The following SIPA1L3 variants were observed in gnomAD, a reference collection of about 807,000 sequenced individuals.
SIPA1L3 encodes signal induced proliferation associated 1 like 3, also known as signal-induced proliferation-associated 1-like protein 3.
In SIPA1L3, 59 loss-of-function variants were observed where a neutral mutation model predicts 150.1. The ratio of observed to expected loss-of-function variants is 0.39; its 90% CI spans 0.32 to 0.49. The LOEUF (loss-of-function observed/expected upper bound fraction) is 0.49. SIPA1L3 is among the 20% of genes least tolerant of loss of function. The pLI, the probability that SIPA1L3 is intolerant of heterozygous loss-of-function variation, is 0.86. For missense variants in SIPA1L3, 2,211 were observed against 2,489.5 expected, an observed-to-expected ratio of 0.89 and a Z score of 2.38; for synonymous variants, 1,070 against 1,077.6, an observed-to-expected ratio of 0.99 and a Z score of 0.14.
At chr19:37,912,697 A>G (rs1441933574) in intron 1 of SIPA1L3, among the ~76,000 whole-genome samples, 1 of 151,700 alleles carries the variant, frequency 6.6e-6, no homozygotes, top group Non-Finnish European at 1.5e-5. Context: ...GTCTCACACT[A>G]TGTTGCCTAG....
At chr19:38,043,901 T>C (rs886890648) in intron 2 of SIPA1L3, among the ~76,000 whole-genome samples, 17 of 152,208 alleles carry the variant, frequency 1.1e-4, no homozygotes, top group African/African-American at 4.1e-4. Flanking sequence ...GGACATGATC[T>C]GACCCATAGA....
At chr19:38,116,126 G>A (rs1032415260) in intron 8 of SIPA1L3, among the ~76,000 whole-genome samples, 2 of 152,104 alleles carry the variant, frequency 1.3e-5, no homozygotes, top group Admixed American at 6.6e-5. Flanking sequence ...TCTTGACACT[G>A]TACTGACAAA....
At chr19:37,941,210 G>A (rs997616408) in intron 1 of SIPA1L3, among the ~76,000 whole-genome samples, 1 of 152,014 alleles carries the variant, frequency 6.6e-6, no homozygotes, top group East Asian at 1.9e-4. Flanking sequence ...GCCCCTTTCT[G>A]TATTGGTGTT....
intron 2 of SIPA1L3, among the ~76,000 whole-genome samples, chr19:38,043,022 G>C (rs1968961514): frequency 6.6e-6 from 1 of 152,126 alleles, no homozygotes; most frequent in South Asian, 2.1e-4. Context: ...ATCATAATAT[G>C]GTTGTGGGCA....
At chr19:38,090,451 C>G (rs1191070051) in intron 4 of SIPA1L3, among the ~76,000 whole-genome samples, 1 of 152,156 alleles carries the variant, frequency 6.6e-6, no homozygotes, top group Admixed American at 6.5e-5. Context: ...GGAAACTGCC[C>G]GGTCTAGCAT....
intron 12 of SIPA1L3, 140 bp downstream of exon 12, chr19:38,142,850 C>G (rs1971623548): frequency 1.8e-6 from 2 of 1,091,552 alleles, no homozygotes; most frequent in Non-Finnish European, 2.6e-6. Context: ...CAGAGGAGCC[C>G]CATGGGGTGG....
At position 38,164,226 on chromosome 19, in the gene SIPA1L3, G is replaced by A. The variant is rs563135898; in HGVS notation, c.3781-253G>A. Among the ~76,000 whole-genome samples the A allele has an allele frequency of 7.9e-5, 12 of 152,266 alleles. 1 individual carries two copies. In the East Asian group the frequency reaches 2.3e-3, roughly 29 times the overall value. On this transcript the variant is annotated intron_variant, in intron 14 of 21. Transcript: ENST00000222345. This position sits in a 1 kb window ranked among gnomAD's most constrained non-coding sequence, Gnocchi z 4.1. ...GTCTGAGATGTGGGAAGCATGTTCTGTGCCTGATGTCATTTGTTCCTCTGA... is the reference window on the plus strand; with the variant it reads ...GTCTGAGATGTGGGAAGCATGTTCTATGCCTGATGTCATTTGTTCCTCTGA...
At chr19:37,944,207 G>A (rs1195000111) in intron 1 of SIPA1L3, among the ~76,000 whole-genome samples, 1 of 152,074 alleles carries the variant, frequency 6.6e-6, no homozygotes, top group African/African-American at 2.4e-5. Flanking sequence ...GAACCCAGGA[G>A]GTGGAGGTTG....
intron 2 of SIPA1L3, among the ~76,000 whole-genome samples, chr19:38,064,663 C>T (rs1969530252): frequency 6.6e-6 from 1 of 152,170 alleles, no homozygotes. Context: ...CGCGCCACTG[C>T]ACTCCAGCCT....
chr19:38,077,749 C>T (rs573596778), intron 2 of SIPA1L3, among the ~76,000 whole-genome samples: 108 of 132,850 alleles, frequency 8.1e-4, no homozygotes, highest in African/African-American at 3.0e-3. Context: ...CGGCTCACTG[C>T]ATCCTCCACC....
intron 9 of SIPA1L3, among the ~76,000 whole-genome samples, chr19:38,129,031 T>C (rs879722852): frequency 3.9e-5 from 6 of 152,358 alleles, no homozygotes; most frequent in South Asian, 2.1e-4. Flanking sequence ...CATTCCGTTA[T>C]CTTTCCATAA....
At chr19:38,191,900 G>T (rs1181931947) in intron 16 of SIPA1L3, among the ~76,000 whole-genome samples, 1 of 152,168 alleles carries the variant, frequency 6.6e-6, no homozygotes, top group Admixed American at 6.5e-5. Flanking sequence ...CTGCCAGCTC[G>T]GTGCTCACGG....
At chr19:38,165,108 G>A (rs960038765) in intron 15 of SIPA1L3, among the ~76,000 whole-genome samples, 1 of 152,194 alleles carries the variant, frequency 6.6e-6, no homozygotes, top group African/African-American at 2.4e-5. Flanking sequence ...CCCAGGTGGA[G>A]GGAAAGAAAC....
At chr19:37,962,551 C>G (rs353414) in intron 1 of SIPA1L3, among the ~76,000 whole-genome samples, 41,714 of 148,138 alleles carry the variant, frequency 0.28, 7,021 homozygotes, top group East Asian at 0.62. Context: ...TCTTCTCAGC[C>G]TTGACTTCCT....
chr19:38,030,603 T>TTATA (rs58410246), intron 2 of SIPA1L3, among the ~76,000 whole-genome samples: 2 of 138,382 alleles, frequency 1.4e-5, no homozygotes, highest in African/African-American at 5.9e-5. Flanking sequence ...TACACATATT[T>TTATA]TATATATATA....
chr19:38,143,542 C>CTTTTT (rs10669806), intron 12 of SIPA1L3, among the ~76,000 whole-genome samples: 11 of 79,990 alleles, frequency 1.4e-4, no homozygotes, highest in African/African-American at 3.4e-4. Flanking sequence ...CTTTCTGTGT[C>CTTTTT]TTTTTTTTTT....
chr19:38,029,734 G>A (rs1968602262), intron 2 of SIPA1L3, among the ~76,000 whole-genome samples: 1 of 152,058 alleles, frequency 6.6e-6, no homozygotes, highest in Non-Finnish European at 1.5e-5. Context: ...GAGTAGCTGG[G>A]ATTACTAGGC....
chr19:38,051,371 G>A (rs1050806350), intron 2 of SIPA1L3, among the ~76,000 whole-genome samples: 13 of 151,946 alleles, frequency 8.6e-5, no homozygotes, highest in African/African-American at 2.9e-4. Context: ...TCATCTTTTC[G>A]TCTTTCTCAA....
At chr19:38,198,920 G>A (rs191227798) in intron 19 of SIPA1L3, among the ~76,000 whole-genome samples, 1 of 152,176 alleles carries the variant, frequency 6.6e-6, no homozygotes, top group African/African-American at 2.4e-5. Flanking sequence ...TCACACCACT[G>A]CACTCACTGC....
Sources: allele counts gnomAD v4.1 joint callset (sites outside exome capture counted in the v4.1 genomes callset), GRCh38; gene constraint gnomAD v4.1.1; non-coding constraint Gnocchi (gnomAD v3.1); transcripts MANE v1.5; gene names NCBI Gene and HGNC (gene_info 2026-07-23, HGNC 2026-07-21).